ASB7: variants seen among roughly 807,000 people sequenced by gnomAD.
The protein encoded by ASB7 is ankyrin repeat and SOCS box protein 7.
A neutral mutation model predicts 32.5 loss-of-function variants in ASB7; 4 were observed. The ratio of observed to expected loss-of-function variants is 0.12; its 90% CI spans 0.06 to 0.28. ASB7 has a LOEUF of 0.28. Among genes scored for constraint, ASB7 ranks in the 10% least tolerant of loss-of-function variants. The probability of loss-of-function intolerance (pLI) is 1.00; values close to 1 mark genes in which losing one functional copy is unlikely to be tolerated. For synonymous variants in ASB7, 172 were observed against 155.6 expected, an observed-to-expected ratio of 1.11 and a Z score of -0.78; for missense variants, 181 against 407.1, an observed-to-expected ratio of 0.44 and a Z score of 4.78.
At chr15:100,612,543 A>G in intron 4 of ASB7, 116 bp downstream of exon 4, 1 of 910,096 alleles carries the variant, frequency 1.1e-6, no homozygotes, top group Non-Finnish European at 1.7e-6. Context: ...TCAACATATT[A>G]TTCTCTCTCC....
At chr15:100,617,560 G>A (rs986086720) in intron 4 of ASB7, among the ~76,000 whole-genome samples, 1 of 152,164 alleles carries the variant, frequency 6.6e-6, no homozygotes, top group South Asian at 2.1e-4. Context: ...CAGCCAGACC[G>A]GGTCACCCGG....
chr15:100,606,981 C>G (rs1288491412), intron 2 of ASB7, among the ~76,000 whole-genome samples: 1 of 151,996 alleles, frequency 6.6e-6, no homozygotes, highest in East Asian at 1.9e-4. Flanking sequence ...GGTGAAACCT[C>G]GTCTCTACTA....
chr15:100,612,563 A>G, intron 4 of ASB7, 136 bp downstream of exon 4: 1 of 845,810 alleles, frequency 1.2e-6, no homozygotes, highest in Middle Eastern at 2.6e-4. Context: ...CTTTGTGAAG[A>G]TTTGCTATAA....
intron 2 of ASB7, among the ~76,000 whole-genome samples, chr15:100,605,241 T>A (rs1224304761): frequency 1.3e-5 from 2 of 152,222 alleles, no homozygotes; most frequent in East Asian, 3.8e-4. Context: ...ATACCAGGCA[T>A]TTAGAATATT....
At chr15:100,635,754 G>A (rs530845779) in intron 5 of ASB7, among the ~76,000 whole-genome samples, 168 of 152,334 alleles carry the variant, frequency 1.1e-3, no homozygotes, top group Non-Finnish European at 2.1e-3. Flanking sequence ...TCCCTAGGCT[G>A]CGTCTTCACA....
chr15:100,641,090 CAG>C (rs1420328017), intron 5 of ASB7, among the ~76,000 whole-genome samples: 5 of 6,890 alleles, frequency 7.3e-4, no homozygotes, highest in South Asian at 0.016. Flanking sequence ...AGTTTTCTAA[CAG>C]GGGAGGAATT....
At chr15:100,630,158 C>A in intron 5 of ASB7, 116 bp downstream of exon 5, 1 of 1,377,120 alleles carries the variant, frequency 7.3e-7, no homozygotes. Context: ...ATAACCACTG[C>A]TTGGTAAGCG....
intron 5 of ASB7, among the ~76,000 whole-genome samples, chr15:100,643,597 C>A (rs1401811781): frequency 2.1e-5 from 3 of 143,186 alleles, no homozygotes; most frequent in Non-Finnish European, 3.0e-5. Flanking sequence ...TCAAGTGATT[C>A]TCCTGCCTCA....
chr15:100,605,857 C>T (rs2039640378), intron 2 of ASB7, among the ~76,000 whole-genome samples: 1 of 152,206 alleles, frequency 6.6e-6, no homozygotes, highest in Non-Finnish European at 1.5e-5. Context: ...TTGCTTCATC[C>T]ACACTTCATG....
In ASB7 at chr15:100,602,787, T is replaced by G. The variant is rs983045546; in HGVS notation, c.-532T>G. The G allele has an allele frequency of 2.6e-6, 1 of 389,326 alleles. No individual in the cohort carries two copies. Among genetic ancestry groups the G allele is most frequent in the South Asian group, 1.4e-4 (1 of 6,930 alleles). 24.1% of individuals were successfully genotyped at this position (389,326 alleles called of 1,614,324 possible). A position where few individuals can be genotyped will look rare whatever the true frequency, so the allele number is the denominator to read the frequency against. On this transcript the variant is annotated 5_prime_UTR_variant, in exon 1 of 6. Transcript: ENST00000332783. ...CGCGGCAGCCCCCTGCTCCGAGCCC[T>G]GGACCGGGACTGCCCCCCCACCCGA...
At position 100,612,345 on chromosome 15, in the gene ASB7, A is replaced by C. The variant is rs768514367; in HGVS notation, c.129A>C (p.Arg43=). 2 of 1,614,118 alleles carry C rather than the reference A, an allele frequency of 1.2e-6. No homozygotes were observed. Among genetic ancestry groups the C allele is most frequent in the East Asian group, 4.5e-5 (2 of 44,878 alleles). Residue 43 remains arginine (R), a synonymous_variant, in exon 4 of 6, where the codon CGA becomes CGC. Transcript: ENST00000332783. Reference sequence around the variant, plus strand: ...AACAAGGCTATTCCCCGAATGGCCGAGATGCGAATGGCTGGACTCTGCTTC... The same window carrying C: ...AACAAGGCTATTCCCCGAATGGCCGCGATGCGAATGGCTGGACTCTGCTTC... The part of the protein sequence containing the change: ...MLEQGYSPNG[R]DANGWTLLHF...
chr15:100,608,669 AGTT>A (rs1467693179), intron 2 of ASB7, among the ~76,000 whole-genome samples: 1 of 152,096 alleles, frequency 6.6e-6, no homozygotes, highest in Non-Finnish European at 1.5e-5. Flanking sequence ...GCTTTGTAGG[AGTT>A]GTTCTGATCT....
chr15:100,648,542 A>T lies in ASB7; in HGVS notation c.*80A>T. On this transcript the variant is annotated 3_prime_UTR_variant, in exon 6 of 6. Coordinates refer to ENST00000332783, the MANE Select transcript of ASB7 (RefSeq NM_198243.3). ...TTTTGCCTTGCACAAAGTATATCCT[A>T]TGCAATTTCTGATTTGCTGTGAAAT... 8.5e-7 allele frequency: 1 copy of T among 1,174,946 alleles called. No homozygotes were observed. Among genetic ancestry groups the T allele is most frequent in the South Asian group, 2.0e-5 (1 of 50,050 alleles). 72.8% of individuals were successfully genotyped at this position (1,174,946 alleles called of 1,614,324 possible).
intron 5 of ASB7, among the ~76,000 whole-genome samples, chr15:100,640,565 G>A (rs1377197981): frequency 2.0e-5 from 3 of 152,142 alleles, no homozygotes; most frequent in Non-Finnish European, 2.9e-5. Flanking sequence ...TCCAGAGGAC[G>A]CAAATCTTTC....
At chr15:100,622,200 C>CAAAAAGCAAAAAGA (rs1555438596) in intron 4 of ASB7, among the ~76,000 whole-genome samples, 1 of 148,532 alleles carries the variant, frequency 6.7e-6, no homozygotes, top group East Asian at 2.0e-4. Context: ...ATAATAGCTA[C>CAAAAAGCAAAAAGA]AAAAAGAAAA....
At chr15:100,610,217 G>A (rs1473520174) in intron 3 of ASB7, among the ~76,000 whole-genome samples, 1 of 151,924 alleles carries the variant, frequency 6.6e-6, no homozygotes, top group East Asian at 1.9e-4. Context: ...TCTTGTGGCC[G>A]GGCGCAGTGG....
In ASB7 at chr15:100,651,515, G is replaced by A. The variant is rs1325828963; in HGVS notation, c.*3053G>A. On this transcript the variant is annotated 3_prime_UTR_variant, in exon 6 of 6. Transcript: ENST00000332783. ...TGACCGGCGTGGACCATACGAAATT[G>A]AGATTCTAACTTTCCTGCAGGAGTG... The A allele has an allele frequency of 6.6e-6, 1 of 152,182 alleles. No homozygotes were observed. Among genetic ancestry groups the A allele is most frequent in the Non-Finnish European group, 1.5e-5 (1 of 68,028 alleles). The allele number at this position is 152,182 out of a possible 1,614,324, so 9.4% of individuals were successfully genotyped here. A position where few individuals can be genotyped will look rare whatever the true frequency, so the allele number is the denominator to read the frequency against.
intron 3 of ASB7, among the ~76,000 whole-genome samples, chr15:100,610,223 A>G (rs2029700): frequency 0.96 from 145,898 of 152,118 alleles, 70,259 homozygotes; most frequent in East Asian, 1. Flanking sequence ...GGCCGGGCGC[A>G]GTGGCTCACG....
chr15:100,609,421 A>G (rs1259874958), intron 2 of ASB7: 2 of 152,264 alleles, frequency 1.3e-5, no homozygotes, highest in African/African-American at 2.4e-5. Context: ...TGAAGAATCT[A>G]TGCTTGCATC....
Sources: gnomAD v4.1 joint callset for allele counts (sites outside exome capture counted in the v4.1 genomes callset) on GRCh38, gnomAD v4.1.1 for gene constraint, MANE v1.5 for transcripts, NCBI Gene and HGNC (gene_info 2026-07-23, HGNC 2026-07-21) for gene names.